Variants in PLXDC2 observed in about 807,000 individuals in gnomAD.
The protein encoded by PLXDC2 is plexin domain-containing protein 2.
A neutral mutation model predicts 68.9 loss-of-function variants in PLXDC2; 40 were observed. The ratio of observed to expected loss-of-function variants is 0.58; its 90% CI spans 0.45 to 0.76. The LOEUF (loss-of-function observed/expected upper bound fraction) is 0.76, where lower values mean the gene tolerates loss of function less well. PLXDC2 is among the 30% of genes least tolerant of loss of function. PLXDC2 has a pLI of 0.00. For missense variants in PLXDC2, 644 were observed against 661.9 expected, an observed-to-expected ratio of 0.97 and a Z score of 0.30; for synonymous variants, 243 against 234.2, an observed-to-expected ratio of 1.04 and a Z score of -0.34.
chr10:20,095,694 G>T (rs1049952336), intron 4 of PLXDC2, among the ~76,000 whole-genome samples: 3 of 152,156 alleles, frequency 2.0e-5, no homozygotes, highest in Admixed American at 6.6e-5. Flanking sequence ...ATGTTATCTT[G>T]TATATAGCCT....
At chr10:20,267,815 T>C (rs1835890022) in intron 13 of PLXDC2, among the ~76,000 whole-genome samples, 1 of 151,822 alleles carries the variant, frequency 6.6e-6, no homozygotes. Flanking sequence ...CTAATTGTTA[T>C]ATCTCAGTCA....
At chr10:20,270,236 G>A (rs770646076) in intron 13 of PLXDC2, among the ~76,000 whole-genome samples, 7 of 152,078 alleles carry the variant, frequency 4.6e-5, no homozygotes, top group Non-Finnish European at 8.8e-5. Flanking sequence ...GGAGCCATGT[G>A]AAGGAAGAGG....
chr10:20,222,218 T>A (rs1835221852), intron 12 of PLXDC2, among the ~76,000 whole-genome samples: 1 of 152,232 alleles, frequency 6.6e-6, no homozygotes, highest in Non-Finnish European at 1.5e-5. Flanking sequence ...ACTTTCTCTC[T>A]GAGTGTTTCT....
At chr10:20,122,310 T>C (rs1833709497) in intron 4 of PLXDC2, among the ~76,000 whole-genome samples, 1 of 151,806 alleles carries the variant, frequency 6.6e-6, no homozygotes, top group African/African-American at 2.4e-5. Flanking sequence ...GCGGAGTGAG[T>C]AGCCTCCGTA....
intron 1 of PLXDC2, among the ~76,000 whole-genome samples, chr10:19,873,437 A>G: frequency 7.9e-6 from 1 of 126,156 alleles, no homozygotes; most frequent in Non-Finnish European, 1.6e-5. Context: ...TTGAACTGAG[A>G]CCTTGCTCCC....
chr10:20,105,370 G>A (rs1401881613), intron 4 of PLXDC2, among the ~76,000 whole-genome samples: 2 of 152,132 alleles, frequency 1.3e-5, no homozygotes, highest in Admixed American at 6.5e-5. Context: ...CTGACTCTCA[G>A]GTAAAATGAT....
intron 13 of PLXDC2, among the ~76,000 whole-genome samples, chr10:20,267,126 A>C (rs72795935): frequency 6.6e-6 from 1 of 152,212 alleles, no homozygotes; most frequent in Non-Finnish European, 1.5e-5. Context: ...AGACATTTTT[A>C]TACAAATCTT....
intron 1 of PLXDC2, among the ~76,000 whole-genome samples, chr10:19,913,480 C>G (rs755497947): frequency 6.6e-6 from 1 of 152,152 alleles, no homozygotes; most frequent in Non-Finnish European, 1.5e-5. Context: ...CTAATACCCT[C>G]AGTTTTATTC....
chr10:20,167,597 T>C (rs1324717700), intron 7 of PLXDC2, among the ~76,000 whole-genome samples: 1 of 152,178 alleles, frequency 6.6e-6, no homozygotes, highest in Non-Finnish European at 1.5e-5. Context: ...GAACAACTGA[T>C]TATTATTCTA....
At chr10:19,948,420 G>C (rs1396240024) in intron 1 of PLXDC2, among the ~76,000 whole-genome samples, 1 of 148,814 alleles carries the variant, frequency 6.7e-6, no homozygotes, top group African/African-American at 2.5e-5. Flanking sequence ...ATAATGGAAA[G>C]AGTGTAGTGC....
At chr10:20,037,488 TC>T (rs1835598828) in intron 2 of PLXDC2, among the ~76,000 whole-genome samples, 1 of 152,202 alleles carries the variant, frequency 6.6e-6, no homozygotes, top group Non-Finnish European at 1.5e-5. Context: ...TAGGTATATC[TC>T]CTAATGCTCT....
chr10:20,219,442 C>T (rs1458463872), intron 12 of PLXDC2, among the ~76,000 whole-genome samples: 1 of 152,126 alleles, frequency 6.6e-6, no homozygotes, highest in Non-Finnish European at 1.5e-5. Flanking sequence ...TTGTGTTTCA[C>T]TAAATTGTCT....
At chr10:20,118,413 C>T (rs926486480) in intron 4 of PLXDC2, among the ~76,000 whole-genome samples, 1 of 152,060 alleles carries the variant, frequency 6.6e-6, no homozygotes, top group African/African-American at 2.4e-5. Flanking sequence ...CAACTGCAAT[C>T]GGGGACAGAT....
chr10:20,020,012 TTGC>T (rs1346765402), intron 2 of PLXDC2, among the ~76,000 whole-genome samples: 1 of 133,636 alleles, frequency 7.5e-6, no homozygotes, highest in Non-Finnish European at 1.6e-5. Flanking sequence ...TTTTCTTTTC[TTGC>T]TTTTTTTTTT....
chr10:19,989,969 C>T (rs1834718955), intron 1 of PLXDC2, among the ~76,000 whole-genome samples: 1 of 151,976 alleles, frequency 6.6e-6, no homozygotes, highest in Non-Finnish European at 1.5e-5. Flanking sequence ...AGGCTGTTCT[C>T]AAACTCCTGA....
At chr10:20,085,877 T>G (rs1443738244) in intron 4 of PLXDC2, among the ~76,000 whole-genome samples, 1 of 152,184 alleles carries the variant, frequency 6.6e-6, no homozygotes, top group Non-Finnish European at 1.5e-5. Context: ...TAAAAATCAT[T>G]CTATTTGCAC....
intron 2 of PLXDC2, among the ~76,000 whole-genome samples, chr10:20,012,473 G>A (rs1466051181): frequency 2.0e-5 from 3 of 150,088 alleles, no homozygotes; most frequent in African/African-American, 4.9e-5. Context: ...CCACCACCAC[G>A]CCCAGCTTTT....
At chr10:20,247,585 G>A (rs529185485) in intron 13 of PLXDC2, among the ~76,000 whole-genome samples, 2 of 152,190 alleles carry the variant, frequency 1.3e-5, no homozygotes, top group East Asian at 3.9e-4. Context: ...TTCCTGCCTC[G>A]GCAGCTGGGT....
At chr10:20,012,234 T>C (rs1835126385) in intron 2 of PLXDC2, among the ~76,000 whole-genome samples, 1 of 151,544 alleles carries the variant, frequency 6.6e-6, no homozygotes, top group Admixed American at 6.6e-5. Flanking sequence ...CAGGGAGTTA[T>C]ACTTCACCTT....
Sources: allele counts gnomAD v4.1 joint callset (sites outside exome capture counted in the v4.1 genomes callset), GRCh38; gene constraint gnomAD v4.1.1; transcripts MANE v1.5; gene names NCBI Gene and HGNC (gene_info 2026-07-23, HGNC 2026-07-21).